ECT2: variants seen among roughly 807,000 people sequenced by gnomAD.
ECT2 encodes the protein protein ECT2.
ECT2 carries 61 observed loss-of-function variants against 116.9 expected under a neutral mutation model. The observed-to-expected ratio is 0.52, with a 90% CI of 0.42 to 0.65. The LOEUF is 0.65. Ranked by LOEUF, ECT2 falls within the 30% of genes least tolerant of loss-of-function variation. ECT2 has a pLI of 0.00. For missense variants in ECT2, 937 were observed against 1,078.7 expected, an observed-to-expected ratio of 0.87 and a Z score of 1.84; for synonymous variants, 358 against 346.4, an observed-to-expected ratio of 1.03 and a Z score of -0.37.
At chr3:172,803,928 G>A (rs1727191649) in intron 20 of ECT2, among the ~76,000 whole-genome samples, 1 of 151,242 alleles carries the variant, frequency 6.6e-6, no homozygotes, top group African/African-American at 2.4e-5. Flanking sequence ...TCCCAACATC[G>A]CAAGTAGCTG....
At chr3:172,794,662 T>A (rs74522998) in intron 18 of ECT2, among the ~76,000 whole-genome samples, 3,091 of 152,240 alleles carry the variant, frequency 0.02, 105 homozygotes, top group African/African-American at 0.07. Context: ...GGGGAATGTG[T>A]ATAGGAATTT....
Position 172,764,332 on chromosome 3 carries a change from A to C in ECT2, c.1123A>C (p.Asn375His). 6.2e-7 allele frequency: 1 copy of C among 1,614,138 alleles called. No homozygotes were observed. Among genetic ancestry groups the C allele is most frequent in the South Asian group, 1.1e-5 (1 of 91,084 alleles). Residue 375 changes from asparagine (N) to histidine (H), a missense_variant, in exon 12 of 25, where the codon AAC (asparagine) becomes CAC (histidine). By Grantham distance (68) the Asn-to-His change is moderately conservative. Transcript: ENST00000392692. Reference sequence around the variant, plus strand: ...GTCAATGCTTTCTCTAAATACCCCTAACAGCAATCGCAAACGACGTCGTTT... The same window carrying C: ...GTCAATGCTTTCTCTAAATACCCCTCACAGCAATCGCAAACGACGTCGTTT... ...SVSMLSLNTPNSNRKRRRLKE... is the reference protein window; with the variant it reads ...SVSMLSLNTPHSNRKRRRLKE...
At chr3:172,779,993 T>C (rs1722406374) in intron 14 of ECT2, among the ~76,000 whole-genome samples, 1 of 152,156 alleles carries the variant, frequency 6.6e-6, no homozygotes, top group South Asian at 2.1e-4. Flanking sequence ...CTAGGAGATT[T>C]TCACTACCCA....
Position 172,817,168 on chromosome 3 carries a change from C to G in ECT2, c.2655+331C>G, listed in dbSNP as rs538983860. Among the ~76,000 whole-genome samples, 19 of 152,224 alleles carry G rather than the reference C, an allele frequency of 1.2e-4. 1 individual carries two copies. In the South Asian group the frequency reaches 2.5e-3, roughly 20 times the overall value. On this transcript the variant is annotated intron_variant, in intron 24 of 24. Transcript: ENST00000392692. ...TGGAAGGACAGCACAGCTCTGTACA[C>G]TAGCACTGAAGAATCAGCATGGAAA... is the stretch of plus-strand genomic sequence containing the variant.
intron 18 of ECT2, among the ~76,000 whole-genome samples, chr3:172,788,347 G>T (rs900207179): frequency 3.9e-5 from 6 of 152,142 alleles, no homozygotes; most frequent in African/African-American, 1.4e-4. Flanking sequence ...ATTTGTTATA[G>T]ATATGTTTTT....
chr3:172,812,071 AC>A (rs1196025588), intron 22 of ECT2, among the ~76,000 whole-genome samples: 2 of 149,402 alleles, frequency 1.3e-5, no homozygotes, highest in Non-Finnish European at 3.0e-5. Flanking sequence ...TACAACCTCT[AC>A]CTCTGGGTTC....
At chr3:172,757,915 T>A (rs1304287809) in intron 5 of ECT2, among the ~76,000 whole-genome samples, 3 of 152,064 alleles carry the variant, frequency 2.0e-5, no homozygotes, top group African/African-American at 7.2e-5. Context: ...AATAAATAAA[T>A]ACACGATCTC....
intron 22 of ECT2, among the ~76,000 whole-genome samples, chr3:172,813,915 A>T (rs969582474): frequency 6.6e-6 from 1 of 152,086 alleles, no homozygotes; most frequent in Non-Finnish European, 1.5e-5. Context: ...AGAACATTTT[A>T]TACGTGTAGA....
chr3:172,786,096 A>C lies in ECT2; in HGVS notation c.1826-397A>C, dbSNP rs1247870199. The stretch of plus-strand genomic sequence containing the variant: ...CTCTAAGGTAACAAAATCTGTGCTT[A>C]AAGATACCAGATGCTCTCTGTGATG... On this transcript the variant is annotated intron_variant, in intron 17 of 24. Coordinates refer to ENST00000392692, the MANE Select transcript of ECT2 (RefSeq NM_001258315.2). Among the ~76,000 whole-genome samples, 4 of 152,188 alleles carry C rather than the reference A, an allele frequency of 2.6e-5. No homozygotes were observed. In the East Asian group the frequency reaches 7.7e-4, roughly 29 times the overall value.
chr3:172,772,055 G>C (rs1037154111), intron 13 of ECT2, among the ~76,000 whole-genome samples: 19 of 151,028 alleles, frequency 1.3e-4, no homozygotes, highest in African/African-American at 4.4e-4. Context: ...GAGTGCAGTG[G>C]TGCAATCTTG....
chr3:172,780,391 A>G (rs1173146655), intron 14 of ECT2, among the ~76,000 whole-genome samples: 6 of 152,306 alleles, frequency 3.9e-5, no homozygotes, highest in African/African-American at 1.4e-4. Flanking sequence ...GCTATTATGA[A>G]TAATGCTGCT....
Position 172,762,954 on chromosome 3 carries a change from T to G in ECT2, c.1050T>G (p.Thr350=). 1 of 1,613,854 alleles carries G rather than the reference T, an allele frequency of 6.2e-7. No homozygotes were observed. ...AAATGGATGCCCGAGCTGGAGAAAC[T>G]ATGTATTTATATGAAAAGGTATGCT... ...SIQMDARAGE[T]MYLYEKANTP... The change falls in exon 11 of 25, where the codon ACT becomes ACG. Residue 350 remains threonine (T), a synonymous_variant. Coordinates refer to ENST00000392692, the MANE Select transcript of ECT2 (RefSeq NM_001258315.2).
chr3:172,795,529 A>G (rs1185405004), intron 18 of ECT2, among the ~76,000 whole-genome samples: 2 of 152,162 alleles, frequency 1.3e-5, no homozygotes, highest in Non-Finnish European at 2.9e-5. Flanking sequence ...GTATCTTTTG[A>G]GTTATTTACA....
At chr3:172,815,953 GA>G (rs1271873830) in intron 23 of ECT2, among the ~76,000 whole-genome samples, 1 of 152,086 alleles carries the variant, frequency 6.6e-6, no homozygotes, top group East Asian at 1.9e-4. Flanking sequence ...TCCTGCAGTA[GA>G]AATGTACTGT....
intron 14 of ECT2, among the ~76,000 whole-genome samples, chr3:172,778,481 C>T (rs59768573): frequency 0.062 from 9,352 of 150,962 alleles, 966 homozygotes; most frequent in African/African-American, 0.22. Context: ...CTGAGTCAGA[C>T]AATACTGAGT....
At chr3:172,768,181 T>C (rs1278506752) in intron 12 of ECT2, among the ~76,000 whole-genome samples, 3 of 152,348 alleles carry the variant, frequency 2.0e-5, no homozygotes, top group East Asian at 3.9e-4. Context: ...GGGCTTCTTT[T>C]TGACATAAGT....
At chr3:172,802,482 A>G in intron 18 of ECT2, 134 bp from the exon 19 acceptor site, 1 of 554,272 alleles carries the variant, frequency 1.8e-6, no homozygotes, top group Non-Finnish European at 3.1e-6. Context: ...GTAATGGGAT[A>G]CTTTTAAGGA....
At chr3:172,768,158 G>T (rs369608688) in intron 12 of ECT2, among the ~76,000 whole-genome samples, 10 of 152,202 alleles carry the variant, frequency 6.6e-5, no homozygotes, top group African/African-American at 1.4e-4. Flanking sequence ...TTAATATTGG[G>T]TTTTTTGTGG....
the ECT2 span, among the ~76,000 whole-genome samples, chr3:172,827,812 G>A: frequency 6.6e-6 from 1 of 152,214 alleles, no homozygotes; most frequent in Admixed American, 6.5e-5. Flanking sequence ...CTTTGAAAGA[G>A]GCCATTTTGG....
Sources: gnomAD v4.1 joint callset for allele counts (sites outside exome capture counted in the v4.1 genomes callset) on GRCh38, gnomAD v4.1.1 for gene constraint, MANE v1.5 for transcripts, NCBI Gene and HGNC (gene_info 2026-07-23, HGNC 2026-07-21) for gene names.